ZBTB20: variants seen among roughly 807,000 people sequenced by gnomAD.
The protein encoded by ZBTB20 is zinc finger and BTB domain containing 20.
In ZBTB20, 9 loss-of-function variants were observed where a neutral mutation model predicts 56.9. The ratio of observed to expected loss-of-function variants is 0.16; its 90% CI spans 0.10 to 0.28. The LOEUF (loss-of-function observed/expected upper bound fraction) is 0.28, where lower values mean the gene tolerates loss of function less well. Among genes scored for constraint, ZBTB20 ranks in the 10% least tolerant of loss-of-function variants. The pLI is 1.00. For synonymous variants in ZBTB20, 417 were observed against 420.7 expected (o/e 0.99, Z 0.11); for missense variants, 655 against 1,003.0 (o/e 0.65, Z 4.69).
chr3:114,627,244 A>G (rs2058704035), intron 6 of ZBTB20, among the ~76,000 whole-genome samples: 1 of 152,190 alleles, frequency 6.6e-6, no homozygotes, highest in Non-Finnish European at 1.5e-5. Context: ...TGACTAAACT[A>G]GGAGATCTAT....
At chr3:115,131,168 T>C (rs1303651106) in intron 1 of ZBTB20, among the ~76,000 whole-genome samples, 2 of 152,208 alleles carry the variant, frequency 1.3e-5, no homozygotes. Context: ...CCTTTATTTC[T>C]TGGGTATCTG....
At chr3:114,483,326 T>C (rs2041755945) in intron 7 of ZBTB20, among the ~76,000 whole-genome samples, 1 of 152,030 alleles carries the variant, frequency 6.6e-6, no homozygotes, top group East Asian at 1.9e-4. Context: ...TGCAGAAAAC[T>C]GACCATTATT....
rs960441981 is a variant in ZBTB20, at chr3:114,986,522, C to T, written c.-506-12106G>A. On this transcript the variant is annotated intron_variant, in intron 2 of 11. Coordinates refer to ENST00000675478, the MANE Select transcript of ZBTB20 (RefSeq NM_001348800.3). Reference sequence around the variant, plus strand: ...TTGTCTTCAAGATGTTTACTGATTTCTCTTACAATGTTTTATGAGAATGTT... The same window carrying T: ...TTGTCTTCAAGATGTTTACTGATTTTTCTTACAATGTTTTATGAGAATGTT... 3.8e-4 allele frequency among the ~76,000 whole-genome samples: 57 copies of T among 151,956 alleles called. 1 individual carries two copies. Among genetic ancestry groups the T allele is most frequent in the African/African-American group, 1.4e-3 (57 of 41,394 alleles).
At chr3:114,449,366 A>G (rs1261142313) in intron 7 of ZBTB20, among the ~76,000 whole-genome samples, 2 of 152,172 alleles carry the variant, frequency 1.3e-5, no homozygotes, top group African/African-American at 2.4e-5. Flanking sequence ...CACCATAACT[A>G]TAACAAAACA....
At chr3:114,548,954 C>T (rs1031599211) in intron 6 of ZBTB20, among the ~76,000 whole-genome samples, 6 of 152,176 alleles carry the variant, frequency 3.9e-5, no homozygotes, top group Non-Finnish European at 8.8e-5. Context: ...AAGAAAATAA[C>T]TTCTTCACAG....
At chr3:114,768,618 C>G (rs947118586) in intron 5 of ZBTB20, among the ~76,000 whole-genome samples, 1 of 152,118 alleles carries the variant, frequency 6.6e-6, no homozygotes, top group African/African-American at 2.4e-5. Context: ...CTTGCCTTAA[C>G]TGTACTAATG....
intron 2 of ZBTB20, among the ~76,000 whole-genome samples, chr3:115,053,218 C>G (rs2081619716): frequency 2.6e-5 from 4 of 152,214 alleles, no homozygotes; most frequent in African/African-American, 9.6e-5. Flanking sequence ...AAAGATGTAA[C>G]ACATTGGAGA....
intron 6 of ZBTB20, among the ~76,000 whole-genome samples, chr3:114,587,246 C>G (rs1162062386): frequency 1.3e-5 from 2 of 152,054 alleles, no homozygotes; most frequent in African/African-American, 2.4e-5. Context: ...ATCTGCCCAC[C>G]TCGGCCTCTC....
At chr3:114,432,200 T>A (rs1225753742) in intron 7 of ZBTB20, among the ~76,000 whole-genome samples, 1 of 149,396 alleles carries the variant, frequency 6.7e-6, no homozygotes, top group Non-Finnish European at 1.5e-5. Flanking sequence ...ACAGATATAA[T>A]CCTGCTTTGA....
At chr3:114,586,484 CAT>C (rs1445785679) in intron 6 of ZBTB20, among the ~76,000 whole-genome samples, 1 of 150,992 alleles carries the variant, frequency 6.6e-6, no homozygotes, top group African/African-American at 2.4e-5. Context: ...GTCACACTGA[CAT>C]GTGATTTAGC....
Position 114,339,120 on chromosome 3 carries a change from G to T in ZBTB20, c.2111C>A (p.Pro704Gln). The part of the protein sequence containing the change: ...GTPPGARAGP[P>Q]GVVACTEGTT... ...CCCCTCCGTGCAGGCCACCACGCCT[G>T]GGGGGCCAGCGCGGGCACCTGGGGG... The change falls in exon 12 of 12, where the codon CCA becomes CAA. Residue 704 changes from proline to glutamine, a missense_variant. Pro to Gln is a moderately conservative substitution (Grantham distance 76). Transcript: ENST00000675478. The surrounding 1 kb of genome is among the most constrained non-coding windows in gnomAD (Gnocchi z 4.2). 1.2e-6 allele frequency: 2 copies of T among 1,610,350 alleles called. No homozygotes were observed. The highest frequency in any genetic ancestry group is 1.7e-6 in the Non-Finnish European group (2 of 1,177,630).
intron 6 of ZBTB20, among the ~76,000 whole-genome samples, chr3:114,540,417 TG>T (rs1455598318): frequency 6.6e-6 from 1 of 152,120 alleles, no homozygotes; most frequent in East Asian, 1.9e-4. Context: ...GTATCTGGTT[TG>T]TTAGTGAAAG....
intron 1 of ZBTB20, among the ~76,000 whole-genome samples, chr3:115,074,767 C>A (rs1013427382): frequency 1.3e-5 from 2 of 152,036 alleles, no homozygotes; most frequent in African/African-American, 4.8e-5. Flanking sequence ...AGAATCCTAA[C>A]AGAGATTGTT....
intron 1 of ZBTB20, among the ~76,000 whole-genome samples, chr3:115,099,820 T>C (rs1458059118): frequency 6.6e-6 from 1 of 152,148 alleles, no homozygotes; most frequent in Non-Finnish European, 1.5e-5. Context: ...TGGAATTGCA[T>C]AAACAGACAA....
intron 6 of ZBTB20, among the ~76,000 whole-genome samples, chr3:114,605,512 C>T (rs542465720): frequency 1.4e-4 from 22 of 152,180 alleles, no homozygotes; most frequent in African/African-American, 5.1e-4. Flanking sequence ...AATTAAACAC[C>T]AAGTATGTTC....
chr3:114,542,347 A>G lies in ZBTB20; in HGVS notation c.-294-41956T>C, dbSNP rs544973233. 3.3e-5 allele frequency among the ~76,000 whole-genome samples: 5 copies of G among 152,336 alleles called. 1 individual carries two copies. Among genetic ancestry groups the G allele is most frequent in the Non-Finnish European group, 7.3e-5 (5 of 68,034 alleles). On this transcript the variant is annotated intron_variant, in intron 6 of 11. Transcript: ENST00000675478. ...AGAGAGAAAGTTATAAATCATAAATATAAGAGCTTAGAGCTAAAGTGCCAC... is the reference window on the plus strand; with the variant it reads ...AGAGAGAAAGTTATAAATCATAAATGTAAGAGCTTAGAGCTAAAGTGCCAC...
At chr3:114,720,351 A>G (rs2064831802) in intron 5 of ZBTB20, among the ~76,000 whole-genome samples, 1 of 151,874 alleles carries the variant, frequency 6.6e-6, no homozygotes, top group Non-Finnish European at 1.5e-5. Flanking sequence ...TGCATAAAAT[A>G]TCTTTTGCTT....
At chr3:114,592,059 G>A (rs2055819656) in intron 6 of ZBTB20, among the ~76,000 whole-genome samples, 2 of 152,202 alleles carry the variant, frequency 1.3e-5, no homozygotes, top group Non-Finnish European at 2.9e-5. Context: ...TGCCAATATT[G>A]GAAAACATGT....
Position 114,645,697 on chromosome 3 carries a change from CTAATACAAGTATACT to C in ZBTB20, c.-295+47816_-295+47830del, listed in dbSNP as rs552664268. 2.9e-3 allele frequency among the ~76,000 whole-genome samples: 449 copies of C among 152,206 alleles called. 3 individuals are homozygous for C. Among genetic ancestry groups the C allele is most frequent in the Non-Finnish European group, 3.6e-3 (245 of 67,998 alleles). ...GTGACTCCTTAAACTAAGTAGACTT[CTAATACAAGTATACT>C]TTTATTATGGAGAAACCAAATTAAT... On this transcript the variant is annotated intron_variant, in intron 6 of 11. Coordinates refer to ENST00000675478, the MANE Select transcript of ZBTB20 (RefSeq NM_001348800.3).
Sources: allele counts gnomAD v4.1 joint callset (sites outside exome capture counted in the v4.1 genomes callset), GRCh38; gene constraint gnomAD v4.1.1; non-coding constraint Gnocchi (gnomAD v3.1); transcripts MANE v1.5; gene names NCBI Gene and HGNC (gene_info 2026-07-23, HGNC 2026-07-21).